JAKMIP2: variants seen among roughly 807,000 people sequenced by gnomAD.
The protein encoded by JAKMIP2 is janus kinase and microtubule-interacting protein 2.
A neutral mutation model predicts 115.0 loss-of-function variants in JAKMIP2; 25 were observed. That is an observed-to-expected ratio of 0.22 (90% CI 0.16 to 0.30). JAKMIP2 has a LOEUF of 0.30. Among genes scored for constraint, JAKMIP2 ranks in the 10% least tolerant of loss-of-function variants. The pLI, the probability that JAKMIP2 is intolerant of heterozygous loss-of-function variation, is 1.00. For synonymous variants in JAKMIP2, 334 were observed against 343.6 expected (o/e 0.97, Z 0.31); for missense variants, 642 against 957.6 (o/e 0.67, Z 4.35).
In JAKMIP2 at chr5:147,588,601, T is replaced by C. The variant is rs554573780; in HGVS notation, c.*3106A>G. 2 of 152,274 alleles carry C rather than the reference T, an allele frequency of 1.3e-5. No individual in the cohort carries two copies. The highest frequency in any genetic ancestry group is 2.9e-5 in the Non-Finnish European group (2 of 68,026). 9.4% of individuals were successfully genotyped at this position (152,274 alleles called of 1,614,324 possible). On this transcript the variant is annotated 3_prime_UTR_variant, in exon 22 of 22. Coordinates refer to ENST00000616793, the MANE Select transcript of JAKMIP2 (RefSeq NM_001270941.2). The stretch of plus-strand genomic sequence containing the variant: ...TATTTATACTTTATTCAAGGATATA[T>C]TCATTTTGAGGCTCATGAGCAAGAG...
chr5:147,775,865 A>G (rs570162138), intron 1 of JAKMIP2, among the ~76,000 whole-genome samples: 1 of 152,326 alleles, frequency 6.6e-6, no homozygotes, highest in African/African-American at 2.4e-5. Context: ...ATTGGTGAAC[A>G]ACACAGTTTC....
Position 147,742,156 on chromosome 5 carries a change from T to TATATATATATATATATATATATATA in JAKMIP2, c.-149+40299_-149+40300insTATATATATATATATATATATATAT, listed in dbSNP as rs1554084271. On this transcript the variant is annotated intron_variant, in intron 1 of 21. Transcript: ENST00000616793. Reference sequence around the variant, plus strand: ...GTGGATCATTATATATATATATATATTTTTTTTACTATTGTATTGTATCTT... The same window carrying TATATATATATATATATATATATATA: ...GTGGATCATTATATATATATATATATATATATATATATATATATATATATATTTTTTTACTATTGTATTGTATCTT... Among the ~76,000 whole-genome samples, 46 of 83,992 alleles carry TATATATATATATATATATATATATA rather than the reference T, an allele frequency of 5.5e-4. 1 individual carries two copies. Among genetic ancestry groups the TATATATATATATATATATATATATA allele is most frequent in the African/African-American group, 1.1e-3 (17 of 15,838 alleles). The allele number at this position is 83,992 out of a possible 152,430, so 55.1% of individuals were successfully genotyped here.
chr5:147,660,797 T>A, intron 3 of JAKMIP2, 151 bp downstream of exon 3: 1 of 804,588 alleles, frequency 1.2e-6, no homozygotes, highest in Non-Finnish European at 2.0e-6. Flanking sequence ...CCTACCTACA[T>A]ACTGATCTAT....
At chr5:147,736,307 A>C (rs992676892) in intron 1 of JAKMIP2, among the ~76,000 whole-genome samples, 1 of 151,846 alleles carries the variant, frequency 6.6e-6, no homozygotes, top group Non-Finnish European at 1.5e-5. Flanking sequence ...AATACAAAAA[A>C]AAAAATAGCT....
chr5:147,635,188 AT>A (rs1418763466), intron 12 of JAKMIP2, among the ~76,000 whole-genome samples: 1 of 151,352 alleles, frequency 6.6e-6, no homozygotes, highest in East Asian at 2.0e-4. Flanking sequence ...AAAAAAAAAA[AT>A]TATTTTGAAA....
intron 1 of JAKMIP2, among the ~76,000 whole-genome samples, chr5:147,732,586 T>G (rs545999978): frequency 4.6e-5 from 7 of 152,370 alleles, no homozygotes; most frequent in South Asian, 4.1e-4. Context: ...TGTATTCAGA[T>G]AGTAATAATG....
chr5:147,738,989 A>C (rs2126988971), intron 1 of JAKMIP2, among the ~76,000 whole-genome samples: 1 of 152,256 alleles, frequency 6.6e-6, no homozygotes, highest in African/African-American at 2.4e-5. Context: ...AGGATACAAA[A>C]TTTTTGCGGG....
In JAKMIP2 at chr5:147,641,717, C is replaced by T. The variant is rs1757888907; in HGVS notation, c.1272G>A (p.Lys424=). The T allele has an allele frequency of 1.9e-6, 3 of 1,612,582 alleles. No individual in the cohort carries two copies. The highest frequency in any genetic ancestry group is 2.5e-6 in the Non-Finnish European group (3 of 1,178,724). Residue 424 remains lysine, a synonymous_variant, in exon 8 of 22, where the codon AAG becomes AAA. Coordinates refer to ENST00000616793, the MANE Select transcript of JAKMIP2 (RefSeq NM_001270941.2). ...TTTGATTTCTTATTACCTTAATTGG[C>T]TTGGAACTTCTTCTATGCTTTCTTC... is the stretch of plus-strand genomic sequence containing the variant. The part of the protein sequence containing the change: ...IRRRKHRRSS[K]PIKRPVLDPF...
chr5:147,600,418 C>T (rs1161670875), intron 21 of JAKMIP2, among the ~76,000 whole-genome samples: 3 of 152,036 alleles, frequency 2.0e-5, no homozygotes, highest in Non-Finnish European at 4.4e-5. Context: ...TGTTCCATAT[C>T]CAGGTAACAG....
intron 1 of JAKMIP2, among the ~76,000 whole-genome samples, chr5:147,702,576 GAAGGAAAGAAAGAAA>G (rs2126888483): frequency 8.9e-6 from 1 of 111,980 alleles, no homozygotes; most frequent in Admixed American, 9.7e-5. Flanking sequence ...AAGAAAGAAA[GAAGGAAAGAAAGAAA>G]GAAAGAAAGA....
At chr5:147,684,346 G>A (rs1462447710) in intron 1 of JAKMIP2, among the ~76,000 whole-genome samples, 2 of 151,416 alleles carry the variant, frequency 1.3e-5, no homozygotes, top group Admixed American at 6.6e-5. Context: ...GAGAACAAGA[G>A]GAATTGTATC....
At chr5:147,712,787 G>C (rs1308244950) in intron 1 of JAKMIP2, among the ~76,000 whole-genome samples, 1 of 152,088 alleles carries the variant, frequency 6.6e-6, no homozygotes, top group African/African-American at 2.4e-5. Context: ...CTATGCCTAC[G>C]AATGCTTAAA....
chr5:147,777,773 C>T (rs1005754418), intron 1 of JAKMIP2, among the ~76,000 whole-genome samples: 18 of 152,084 alleles, frequency 1.2e-4, no homozygotes, highest in African/African-American at 2.4e-4. Context: ...ACAGTTCAGA[C>T]GCCATGATTT....
intron 1 of JAKMIP2, among the ~76,000 whole-genome samples, chr5:147,684,950 T>C (rs915232131): frequency 1.3e-5 from 2 of 152,212 alleles, no homozygotes; most frequent in Non-Finnish European, 2.9e-5. Context: ...ATCATTTTCT[T>C]CATCATTCCA....
At chr5:147,738,081 A>C (rs1200509089) in intron 1 of JAKMIP2, among the ~76,000 whole-genome samples, 2 of 152,174 alleles carry the variant, frequency 1.3e-5, no homozygotes, top group Non-Finnish European at 2.9e-5. Context: ...GCTACTCTTA[A>C]GCTGTATGAG....
intron 1 of JAKMIP2, among the ~76,000 whole-genome samples, chr5:147,737,789 A>G (rs1385915020): frequency 1.3e-5 from 2 of 152,202 alleles, no homozygotes; most frequent in Non-Finnish European, 2.9e-5. Context: ...CAGCATGGAA[A>G]TTTAATATAT....
Position 147,595,021 on chromosome 5 carries a change from C to G in JAKMIP2, c.*21-3335G>C, listed in dbSNP as rs75535789. Among the ~76,000 whole-genome samples, 101 of 151,764 alleles carry G rather than the reference C, an allele frequency of 6.7e-4. 1 individual carries two copies. The East Asian group carries it at 0.016, about 24-fold the overall frequency. ...TAATGGTGATGTGGGAAATGTGGTC[C>G]CAGAAGATGGAAGCACATCTTGAAA... is the stretch of plus-strand genomic sequence containing the variant. On this transcript the variant is annotated intron_variant, in intron 21 of 21. Transcript: ENST00000616793.
intron 1 of JAKMIP2, among the ~76,000 whole-genome samples, chr5:147,776,167 A>T (rs1276480872): frequency 6.6e-6 from 1 of 152,202 alleles, no homozygotes; most frequent in Non-Finnish European, 1.5e-5. Flanking sequence ...AGTGAAAAAA[A>T]TAGCAAAACT....
chr5:147,594,165 A>C (rs931526727), intron 21 of JAKMIP2, among the ~76,000 whole-genome samples: 3 of 152,160 alleles, frequency 2.0e-5, no homozygotes, highest in Non-Finnish European at 2.9e-5. Context: ...TATTATTTCT[A>C]TAGTGAAGCC....
Sources: gnomAD v4.1 joint callset for allele counts (sites outside exome capture counted in the v4.1 genomes callset) on GRCh38, gnomAD v4.1.1 for gene constraint, MANE v1.5 for transcripts, NCBI Gene and HGNC (gene_info 2026-07-23, HGNC 2026-07-21) for gene names.